Variants in DENND2D observed in about 807,000 individuals in gnomAD.
DENND2D encodes the protein DENN domain containing 2D, also known as DENN domain-containing protein 2D.
Under a neutral mutation model 59.8 loss-of-function variants are expected in DENND2D, and 37 were observed. The observed-to-expected ratio is 0.62, with a 90% CI of 0.48 to 0.81. The LOEUF is 0.81. Among genes scored for constraint, DENND2D ranks in the 40% least tolerant of loss-of-function variants. The probability of loss-of-function intolerance (pLI) is 0.00; values close to 1 mark genes in which losing one functional copy is unlikely to be tolerated. For missense variants in DENND2D, 525 were observed against 579.7 expected (o/e 0.91, Z 0.97); for synonymous variants, 219 against 211.3 (o/e 1.04, Z -0.31).
chr1:111,188,243 G>A lies in DENND2D; in HGVS notation c.1227C>T (p.Phe409=). 3 of 1,614,214 alleles carry A rather than the reference G, an allele frequency of 1.9e-6. No homozygotes were observed. Among genetic ancestry groups the A allele is most frequent in the African/African-American group, 1.3e-5 (1 of 75,060 alleles). The change falls in exon 11 of 12, where the codon TTC becomes TTT. Residue 409 remains phenylalanine (F), a synonymous_variant. Coordinates refer to ENST00000357640, the MANE Select transcript of DENND2D (RefSeq NM_024901.5). The part of the protein sequence containing the change: ...NGQGHFQERS[F]CKALTSKTNR... Reference sequence around the variant, plus strand: ...TGGTCTTGGAGGTCAGAGCCTTACAGAAGGATCTTTCTTGGAAGTGGCCTT... The same window carrying A: ...TGGTCTTGGAGGTCAGAGCCTTACAAAAGGATCTTTCTTGGAAGTGGCCTT...
intron 1 of DENND2D, chr1:111,200,187 G>T: frequency 1.6e-6 from 1 of 637,350 alleles, no homozygotes; most frequent in Non-Finnish European, 2.7e-6. Context: ...AGGCTCAAAG[G>T]GCATGTGACT....
Position 111,199,634 on chromosome 1 carries a change from G to T in DENND2D, c.232C>A (p.Gln78Lys), listed in dbSNP as rs1359514351. 34 of 1,613,328 alleles carry T rather than the reference G, an allele frequency of 2.1e-5. No individual in the cohort carries two copies. Among genetic ancestry groups the T allele is most frequent in the Non-Finnish European group, 2.5e-5 (30 of 1,179,630 alleles). The change falls in exon 2 of 12, where the codon CAA becomes AAA. Residue 78 changes from glutamine (Q) to lysine (K), a missense_variant. Coordinates refer to ENST00000357640, the MANE Select transcript of DENND2D (RefSeq NM_024901.5). ...EDDYEPIITY[Q>K]FPKRENLLRG... ...CCTTCAGTCCTTACCTTGGGAAATT[G>T]GTAGGTGATTATAGGCTCGTAATCA...
upstream of DENND2D, chr1:111,204,118 CCCTCT>C: frequency 1.9e-6 from 1 of 519,004 alleles, no homozygotes; most frequent in Non-Finnish European, 3.1e-6. Context: ...GACCCTCTTC[CCCTCT>C]CCGCGCGCTC....
Position 111,194,693 on chromosome 1 carries a change from GGT to G in DENND2D, c.677_678del (p.His226ProfsTer7). 1 of 1,614,110 alleles carries G rather than the reference GGT, an allele frequency of 6.2e-7. No individual in the cohort carries two copies. The highest frequency in any genetic ancestry group is 8.5e-7 in the Non-Finnish European group (1 of 1,180,010). On this transcript the variant is annotated frameshift_variant, in exon 7 of 12. Transcript: ENST00000357640. LOFTEE classifies it high-confidence loss of function. ...AGAGAACTAAAATCCACATGTTCTA[GGT>G]GGGAGTCCAGGGGCCGTGTCAGTGA... ...FISLTRPLDS[H>X]LEHVDFSSLL...
At chr1:111,198,858 C>T (rs1162974186) in intron 2 of DENND2D, 116 bp from the exon 3 acceptor site, 1 of 1,002,346 alleles carries the variant, frequency 1.0e-6, no homozygotes, top group Non-Finnish European at 1.5e-6. Flanking sequence ...GGTTAAGCTT[C>T]TCCACTAGCA....
Position 111,187,087 on chromosome 1 carries a change from A to G in DENND2D, c.*518T>C, listed in dbSNP as rs1175443195. ...ACATATCCCCATGGCCAGGTCTTCC[A>G]CTTGTAGTCCACTTGATTGTCATAT... On this transcript the variant is annotated 3_prime_UTR_variant, in exon 12 of 12. Transcript: ENST00000357640. 1 of 154,204 alleles carries G rather than the reference A, an allele frequency of 6.5e-6. No individual in the cohort carries two copies. The highest frequency in any genetic ancestry group is 1.4e-5 in the Non-Finnish European group (1 of 69,364). 9.6% of individuals were successfully genotyped at this position (154,204 alleles called of 1,614,324 possible). A position where few individuals can be genotyped will look rare whatever the true frequency, so the allele number is the denominator to read the frequency against.
chr1:111,197,555 T>G, intron 4 of DENND2D: 1 of 1,367,300 alleles, frequency 7.3e-7, no homozygotes, highest in Non-Finnish European at 9.4e-7. Flanking sequence ...TAAAGGTGAC[T>G]TGGGGAATCC....
chr1:111,192,070 G>A (rs1207106548), intron 8 of DENND2D, 70 bp downstream of exon 8: 3 of 1,390,176 alleles, frequency 2.2e-6, no homozygotes, highest in South Asian at 1.5e-5. Flanking sequence ...ACAGCTGTAA[G>A]CAGCAGAGCT....
In DENND2D at chr1:111,198,668, T is replaced by C. The variant is rs767828445; in HGVS notation, c.318A>G (p.Pro106=). The C allele has an allele frequency of 6.2e-6, 10 of 1,614,074 alleles. No individual in the cohort carries two copies. In the African/African-American group the frequency reaches 8.0e-5, roughly 13 times the overall value. Reference sequence around the variant, plus strand: ...TGAGTGATGCCCACTCATTCCCATCTGGGAAGCAGAACAAGGGGATAGCTT... The same window carrying C: ...TGAGTGATGCCCACTCATTCCCATCCGGGAAGCAGAACAAGGGGATAGCTT... ...LLKAIPLFCF[P]DGNEWASLTE... Residue 106 remains proline, a synonymous_variant, in exon 3 of 12, where the codon CCA becomes CCG. Transcript: ENST00000357640.
intron 1 of DENND2D, 174 bp from the exon 2 acceptor site, chr1:111,199,972 AC>A: frequency 1.3e-6 from 1 of 749,746 alleles, no homozygotes; most frequent in Non-Finnish European, 2.1e-6. Context: ...GGCAGTTTCC[AC>A]ACCTGCCCTG....
intron 8 of DENND2D, among the ~76,000 whole-genome samples, chr1:111,189,700 G>A (rs1010608457): frequency 6.6e-6 from 1 of 152,194 alleles, no homozygotes; most frequent in African/African-American, 2.4e-5. Context: ...GCTGCCCGAG[G>A]TCATACTATG....
At chr1:111,199,011 A>G (rs1658536117) in intron 2 of DENND2D, among the ~76,000 whole-genome samples, 1 of 152,218 alleles carries the variant, frequency 6.6e-6, no homozygotes, top group Non-Finnish European at 1.5e-5. Flanking sequence ...ATCTACATAG[A>G]AAGGGGACAG....
intron 9 of DENND2D, 47 bp from the exon 10 acceptor site, chr1:111,188,833 G>T: frequency 1.3e-6 from 2 of 1,541,064 alleles, no homozygotes; most frequent in Non-Finnish European, 1.8e-6. Flanking sequence ...GAAGTGTGGA[G>T]TGAAGGTGGT....
chr1:111,197,956 A>G lies in DENND2D; in HGVS notation c.390T>C (p.Asp130=). Residue 130 remains aspartate (D), a synonymous_variant, in exon 4 of 12, where the codon GAT becomes GAC. Transcript: ENST00000357640. ...ETFSFVLTNV[D]GSRKIGYCRR... ...TGCAGTATCCAATCTTTCTGCTCCC[A>G]TCCACATTGGTCAGAACGAAGGAGA... 4 of 1,614,132 alleles carry G rather than the reference A, an allele frequency of 2.5e-6. No individual in the cohort carries two copies. Among genetic ancestry groups the G allele is most frequent in the Non-Finnish European group, 3.4e-6 (4 of 1,180,026 alleles).
chr1:111,197,331 A>G, intron 4 of DENND2D, 78 bp from the exon 5 acceptor site: 1 of 1,551,908 alleles, frequency 6.4e-7, no homozygotes, highest in Non-Finnish European at 8.7e-7. Flanking sequence ...AAGGAGCACA[A>G]GGCTGAGGGC....
At position 111,188,302 on chromosome 1, in the gene DENND2D, A is replaced by G. The variant is rs766015703; in HGVS notation, c.1168T>C (p.Tyr390His). The G allele has an allele frequency of 1.1e-5, 18 of 1,614,114 alleles. No homozygotes were observed. The highest frequency in any genetic ancestry group is 1.5e-5 in the Non-Finnish European group (18 of 1,180,020). Residue 390 changes from tyrosine to histidine, a missense_variant, in exon 11 of 12, where the codon TAT (tyrosine) becomes CAT (histidine). This residue lies in a region of DENND2D where 225 missense variants were observed against 252.4 expected (regional missense o/e 0.89). Transcript: ENST00000357640. ...VQFFVKIVGH[Y>H]ASYIKREANG... is the part of the protein sequence containing the mutation. ...GCCTCCCGCTTGATATAGGAAGCAT[A>G]ATGGCCCACAATCTTGACAAAGAAC...
chr1:111,203,071 C>G (rs1658967018), upstream of DENND2D, among the ~76,000 whole-genome samples: 1 of 152,230 alleles, frequency 6.6e-6, no homozygotes, highest in Admixed American at 6.5e-5. Context: ...CCTCATCCTG[C>G]CTTCTGCTCC....
chr1:111,197,779 T>C, intron 4 of DENND2D, 141 bp downstream of exon 4: 2 of 1,460,022 alleles, frequency 1.4e-6, no homozygotes, highest in East Asian at 2.5e-5. Context: ...AGCACTAGCA[T>C]GGCAGCAGGT....
chr1:111,200,398 C>G lies in DENND2D; in HGVS notation c.62G>C (p.Arg21Pro), dbSNP rs202084957. The stretch of plus-strand genomic sequence containing the variant: ...GTAGGCAGTCCAGTCCTGACCTGCT[C>G]GGAGTTGAAGCAGTCGGCGTTGGAA... ...RLFQRRLLQL[R>P]AGPPQDNSGE... The change falls in exon 1 of 12, where the codon CGA becomes CCA. Residue 21 changes from arginine to proline, a missense_variant. Coordinates refer to ENST00000357640, the MANE Select transcript of DENND2D (RefSeq NM_024901.5). The G allele has an allele frequency of 2.5e-6, 4 of 1,611,936 alleles. No individual in the cohort carries two copies. Among genetic ancestry groups the G allele is most frequent in the Non-Finnish European group, 3.4e-6 (4 of 1,178,986 alleles).
Sources: gnomAD v4.1 joint callset for allele counts (sites outside exome capture counted in the v4.1 genomes callset) on GRCh38, gnomAD v4.1.1 for gene constraint, gnomAD v4.1.1 regional missense constraint, MANE v1.5 for transcripts, NCBI Gene and HGNC (gene_info 2026-07-23, HGNC 2026-07-21) for gene names.